PARM1: variants seen among roughly 807,000 people sequenced by gnomAD.
PARM1 encodes the protein WSC4, cell wall integrity and stress response component 4 homolog.
A neutral mutation model predicts 24.6 loss-of-function variants in PARM1; 14 were observed. That is an observed-to-expected ratio of 0.57 (90% CI 0.38 to 0.89). PARM1 has a LOEUF of 0.89. Among genes scored for constraint, PARM1 ranks in the 40% least tolerant of loss-of-function variants. The pLI is 0.00. For missense variants in PARM1, 362 were observed against 380.4 expected (o/e 0.95, Z 0.40); for synonymous variants, 179 against 156.6 (o/e 1.14, Z -1.07).
chr4:74,977,547 A>G (rs1302483098), intron 1 of PARM1, among the ~76,000 whole-genome samples: 1 of 152,250 alleles, frequency 6.6e-6, no homozygotes, highest in East Asian at 1.9e-4. Flanking sequence ...ATTCATCAGG[A>G]TATCATTCAG....
chr4:75,035,485 G>A (rs1377605288), intron 3 of PARM1, among the ~76,000 whole-genome samples: 1 of 152,104 alleles, frequency 6.6e-6, no homozygotes, highest in Non-Finnish European at 1.5e-5. Flanking sequence ...AAGAGGCTGT[G>A]CCACCCTGTC....
At chr4:75,024,140 C>T (rs1242638348) in intron 2 of PARM1, among the ~76,000 whole-genome samples, 1 of 152,008 alleles carries the variant, frequency 6.6e-6, no homozygotes, top group Non-Finnish European at 1.5e-5. Context: ...GGCGTGGTAG[C>T]GGGCGCCTGT....
chr4:75,013,829 T>C (rs1455630970), intron 2 of PARM1, among the ~76,000 whole-genome samples: 2 of 152,210 alleles, frequency 1.3e-5, no homozygotes, highest in East Asian at 3.8e-4. Flanking sequence ...TTAGTATTAT[T>C]TTTATCTTTG....
At position 74,986,913 on chromosome 4, in the gene PARM1, G is replaced by A. The variant is rs1008864247; in HGVS notation, c.44-25512G>A. On this transcript the variant is annotated intron_variant, in intron 1 of 3. Transcript: ENST00000307428. ...GTAGTAGAATGTCAGTCAAAAATTG[G>A]GCTCTGGAGTCAGGTCAGACAACTA... 2.6e-5 allele frequency among the ~76,000 whole-genome samples: 4 copies of A among 151,826 alleles called. No individual in the cohort carries two copies. In the South Asian group the frequency reaches 8.3e-4, roughly 32 times the overall value.
At chr4:74,949,030 A>C (rs1313352517) in intron 1 of PARM1, among the ~76,000 whole-genome samples, 1 of 152,052 alleles carries the variant, frequency 6.6e-6, no homozygotes, top group Non-Finnish European at 1.5e-5. Context: ...TCAAAAAAAA[A>C]CAAAAAACAA....
intron 1 of PARM1, among the ~76,000 whole-genome samples, chr4:74,984,173 G>C (rs554604106): frequency 6.6e-6 from 1 of 152,280 alleles, no homozygotes; most frequent in South Asian, 2.1e-4. Flanking sequence ...CAGTCACCTG[G>C]AATCAGTAAA....
At chr4:75,015,022 A>G (rs756345168) in intron 2 of PARM1, among the ~76,000 whole-genome samples, 19 of 151,936 alleles carry the variant, frequency 1.3e-4, no homozygotes, top group African/African-American at 2.2e-4. Flanking sequence ...TTTCTTTCCT[A>G]TTTCAGGCCC....
At chr4:75,040,583 A>G (rs1438440428) in intron 3 of PARM1, among the ~76,000 whole-genome samples, 3 of 152,234 alleles carry the variant, frequency 2.0e-5, no homozygotes, top group African/African-American at 4.8e-5. Flanking sequence ...GGTGAATAAA[A>G]TAAATTGTAA....
intron 1 of PARM1, among the ~76,000 whole-genome samples, chr4:74,995,985 A>T (rs569214227): frequency 7.4e-4 from 113 of 152,228 alleles, no homozygotes; most frequent in African/African-American, 2.1e-3. Context: ...TAAGTCCCAG[A>T]CATAAGGCTC....
chr4:75,006,483 T>TA (rs1172183152), intron 1 of PARM1, among the ~76,000 whole-genome samples: 2 of 152,138 alleles, frequency 1.3e-5, no homozygotes, highest in African/African-American at 4.8e-5. Context: ...CATCTTTTTT[T>TA]ATGGCTGCAT....
At chr4:74,953,447 C>G (rs1032232390) in intron 1 of PARM1, among the ~76,000 whole-genome samples, 2 of 152,174 alleles carry the variant, frequency 1.3e-5, no homozygotes, top group African/African-American at 4.8e-5. Flanking sequence ...AGCAAGAGAA[C>G]AGCCTCATTA....
At chr4:74,937,117 G>A (rs1037661948) in intron 1 of PARM1, among the ~76,000 whole-genome samples, 6 of 152,162 alleles carry the variant, frequency 3.9e-5, no homozygotes, top group Non-Finnish European at 5.9e-5. Flanking sequence ...CATCTAAAAT[G>A]TCCTTATCCT....
At chr4:75,009,791 A>G (rs1381770971) in intron 1 of PARM1, among the ~76,000 whole-genome samples, 1 of 152,206 alleles carries the variant, frequency 6.6e-6, no homozygotes. Flanking sequence ...TCCTAGGCTC[A>G]GGGGAAACAG....
At chr4:74,957,778 C>T (rs1353748043) in intron 1 of PARM1, among the ~76,000 whole-genome samples, 1 of 152,244 alleles carries the variant, frequency 6.6e-6, no homozygotes, top group East Asian at 1.9e-4. Context: ...CTTAACTGTG[C>T]ACCAAGACCT....
At chr4:75,032,891 G>C (rs1447795094) in intron 2 of PARM1, among the ~76,000 whole-genome samples, 1 of 152,152 alleles carries the variant, frequency 6.6e-6, no homozygotes, top group Non-Finnish European at 1.5e-5. Flanking sequence ...CCTAACACCA[G>C]CTTTAGTGCC....
At chr4:74,985,789 G>C (rs773614306) in intron 1 of PARM1, among the ~76,000 whole-genome samples, 1 of 152,110 alleles carries the variant, frequency 6.6e-6, no homozygotes. Flanking sequence ...TTGTTTTTGA[G>C]ATGGAGTCAC....
chr4:75,012,349 G>T, intron 1 of PARM1, 76 bp from the exon 2 acceptor site: 1 of 1,475,838 alleles, frequency 6.8e-7, no homozygotes, highest in African/African-American at 1.4e-5. Flanking sequence ...AACAGCTGTG[G>T]GTAAAAGCCT....
chr4:74,989,342 C>T (rs1052673433), intron 1 of PARM1, among the ~76,000 whole-genome samples: 1 of 152,140 alleles, frequency 6.6e-6, no homozygotes, highest in Non-Finnish European at 1.5e-5. Flanking sequence ...ATTCCCATAT[C>T]CCCTCCTTGT....
At position 75,049,263 on chromosome 4, in the gene PARM1, T is replaced by C. The variant is rs1379905521; in HGVS notation, c.*3016T>C. On this transcript the variant is annotated 3_prime_UTR_variant, in exon 4 of 4. Coordinates refer to ENST00000307428, the MANE Select transcript of PARM1 (RefSeq NM_015393.4). The stretch of plus-strand genomic sequence containing the variant: ...TTCTAAAATGGGGGTGATGCTTTCA[T>C]ATTGACCTCACCCCATACTACCTCA... 6 of 152,218 alleles carry C rather than the reference T, an allele frequency of 3.9e-5. No individual in the cohort carries two copies. Among genetic ancestry groups the C allele is most frequent in the African/African-American group, 1.4e-4 (6 of 41,450 alleles). The allele number at this position is 152,218 out of a possible 1,614,324, so 9.4% of individuals were successfully genotyped here.
Sources: gnomAD v4.1 joint callset for allele counts (sites outside exome capture counted in the v4.1 genomes callset) on GRCh38, gnomAD v4.1.1 for gene constraint, MANE v1.5 for transcripts, NCBI Gene and HGNC (gene_info 2026-07-23, HGNC 2026-07-21) for gene names.